Variants in MXRA7 observed in about 807,000 individuals in gnomAD.
MXRA7 encodes matrix-remodeling-associated protein 7.
MXRA7 carries 18 observed loss-of-function variants against 17.4 expected under a neutral mutation model. That is an observed-to-expected ratio of 1.03 (90% CI 0.71 to 1.53). MXRA7 has a LOEUF of 1.53. Ranked by LOEUF, MXRA7 falls within the 40% of genes most tolerant of loss-of-function variation. MXRA7 has a pLI of 0.00. For synonymous variants in MXRA7, 70 were observed against 101.7 expected (o/e 0.69, Z 1.87); for missense variants, 141 against 209.3 (o/e 0.67, Z 2.01).
chr17:76,699,165 G>A (rs1165842084), intron 1 of MXRA7, among the ~76,000 whole-genome samples: 1 of 151,856 alleles, frequency 6.6e-6, no homozygotes, highest in Admixed American at 6.6e-5. Context: ...CCTTTTTGGG[G>A]AGACGGACTC....
intron 1 of MXRA7, chr17:76,688,686 C>T: frequency 8.1e-7 from 1 of 1,237,396 alleles, no homozygotes; most frequent in Non-Finnish European, 1.0e-6. Context: ...AGCCAGTTCT[C>T]TCCCACACAG....
At chr17:76,695,910 C>T (rs1017363265) in intron 1 of MXRA7, among the ~76,000 whole-genome samples, 8 of 151,900 alleles carry the variant, frequency 5.3e-5, no homozygotes, top group Admixed American at 5.3e-4. Context: ...TTGGCCAACA[C>T]GGTGAGACCC....
chr17:76,696,089 T>C (rs183848729), intron 1 of MXRA7, among the ~76,000 whole-genome samples: 21 of 152,112 alleles, frequency 1.4e-4, no homozygotes, highest in Middle Eastern at 6.8e-3. Flanking sequence ...AGCGTGACTC[T>C]ATCTCAAAAA....
At chr17:76,701,184 G>A in intron 1 of MXRA7, among the ~76,000 whole-genome samples, 1 of 152,000 alleles carries the variant, frequency 6.6e-6, no homozygotes, top group Non-Finnish European at 1.5e-5. Context: ...CCAGTGAGGA[G>A]GTCACTGAAC....
At chr17:76,673,587 T>A (rs1052904520) in exon 4 of MXRA7, 7 of 152,214 alleles carry the variant, frequency 4.6e-5, no homozygotes, top group African/African-American at 1.7e-4. Flanking sequence ...GTAGATCAAC[T>A]TGGGCTTTCT....
chr17:76,679,392 G>A (rs550907028), downstream of MXRA7, among the ~76,000 whole-genome samples: 1 of 152,206 alleles, frequency 6.6e-6, no homozygotes, highest in East Asian at 1.9e-4. Flanking sequence ...AGTGAACACA[G>A]ATCATGTCAT....
chr17:76,682,794 C>T (rs550614167), intron 3 of MXRA7, among the ~76,000 whole-genome samples: 1 of 152,280 alleles, frequency 6.6e-6, no homozygotes, highest in South Asian at 2.1e-4. Flanking sequence ...TCCGGCCCCT[C>T]CTTCTCAATT....
chr17:76,679,302 A>G (rs565666738), downstream of MXRA7, among the ~76,000 whole-genome samples: 432 of 151,310 alleles, frequency 2.9e-3, 1 homozygote, highest in East Asian at 8.1e-3. Flanking sequence ...AAAAAAAAAA[A>G]AAGAAGAAGA....
At chr17:76,678,751 G>A (rs2076261452), downstream of MXRA7, among the ~76,000 whole-genome samples, 1 of 152,168 alleles carries the variant, frequency 6.6e-6, no homozygotes, top group South Asian at 2.1e-4. Flanking sequence ...CCCCCACACT[G>A]CCTGGAGGGG....
exon 4 of MXRA7, chr17:76,674,358 A>T (rs1305074646): frequency 6.6e-6 from 1 of 152,146 alleles, no homozygotes; most frequent in Non-Finnish European, 1.5e-5. Flanking sequence ...CTGTGAGCTG[A>T]TGAGAACAAT....
intron 1 of MXRA7, among the ~76,000 whole-genome samples, chr17:76,694,583 A>G (rs1193475946): frequency 6.6e-6 from 1 of 152,030 alleles, no homozygotes; most frequent in African/African-American, 2.4e-5. Context: ...AATGAATTCC[A>G]ATTATTATTA....
At chr17:76,688,721 G>T in intron 1 of MXRA7, 1 of 1,215,388 alleles carries the variant, frequency 8.2e-7, no homozygotes, top group African/African-American at 1.6e-5. Context: ...GATGATCAGA[G>T]GAATGGCCCG....
chr17:76,677,472 C>T, downstream of MXRA7: 1 of 687,570 alleles, frequency 1.5e-6, no homozygotes, highest in Non-Finnish European at 2.6e-6. Context: ...GAATGTACGC[C>T]TGCATCTATG....
chr17:76,701,057 G>C (rs1263973739), intron 1 of MXRA7, among the ~76,000 whole-genome samples: 1 of 152,068 alleles, frequency 6.6e-6, no homozygotes, highest in Non-Finnish European at 1.5e-5. Flanking sequence ...TGGGAAGTTT[G>C]GAATTGCACG....
chr17:76,697,974 A>T (rs894770907), intron 1 of MXRA7, among the ~76,000 whole-genome samples: 9 of 151,686 alleles, frequency 5.9e-5, no homozygotes, highest in African/African-American at 2.2e-4. Flanking sequence ...AGGGAGAGAG[A>T]GTGATAGAGA....
intron 1 of MXRA7, among the ~76,000 whole-genome samples, chr17:76,699,242 C>T (rs2076567468): frequency 6.6e-6 from 1 of 152,030 alleles, no homozygotes; most frequent in Admixed American, 6.6e-5. Context: ...CCTCCCTGGG[C>T]TTAAGCAACC....
At chr17:76,708,442 G>A (rs1404687912) in intron 1 of MXRA7, among the ~76,000 whole-genome samples, 1 of 152,274 alleles carries the variant, frequency 6.6e-6, no homozygotes, top group East Asian at 1.9e-4. Flanking sequence ...CTGGCAGAGG[G>A]CATAGCCCCA....
chr17:76,692,213 C>CAAAAAAAAAA (rs34545186), intron 1 of MXRA7, among the ~76,000 whole-genome samples: 2 of 140,356 alleles, frequency 1.4e-5, no homozygotes, highest in African/African-American at 5.2e-5. Context: ...ACCCTGTCAC[C>CAAAAAAAAAA]AAAAGAAAAA....
chr17:76,687,846 C>T (rs891547458), intron 2 of MXRA7, among the ~76,000 whole-genome samples: 2 of 152,224 alleles, frequency 1.3e-5, no homozygotes, highest in Non-Finnish European at 2.9e-5. Context: ...CAGGACAGAG[C>T]CAGGCAGGGC....
Sources: gnomAD v4.1 joint callset for allele counts (sites outside exome capture counted in the v4.1 genomes callset) on GRCh38, gnomAD v4.1.1 for gene constraint, MANE v1.5 for transcripts, NCBI Gene and HGNC (gene_info 2026-07-23, HGNC 2026-07-21) for gene names.